GLYATL2: variants seen among roughly 807,000 people sequenced by gnomAD.
The protein encoded by GLYATL2 is glycine-N-acyltransferase like 2.
Under a neutral mutation model 21.4 loss-of-function variants are expected in GLYATL2, and 25 were observed. The ratio of observed to expected loss-of-function variants is 1.17; its 90% CI spans 0.85 to 1.63. The LOEUF is 1.63. GLYATL2 is among the 40% of genes most tolerant of loss of function. The pLI is 0.00. For missense variants in GLYATL2, 361 were observed against 343.3 expected (o/e 1.05, Z -0.41); for synonymous variants, 114 against 118.2 (o/e 0.96, Z 0.23).
intron 1 of GLYATL2, among the ~76,000 whole-genome samples, chr11:58,885,769 C>A (rs1167891144): frequency 6.6e-6 from 1 of 152,156 alleles, no homozygotes. Flanking sequence ...AGGAAAAGGA[C>A]AAGGCTGACA....
chr11:58,892,925 G>A (rs568028036), intron 1 of GLYATL2: 3 of 296,568 alleles, frequency 1.0e-5, no homozygotes, highest in South Asian at 2.8e-4. Flanking sequence ...AATAAAGAGA[G>A]GATGAATTCC....
intron 1 of GLYATL2, among the ~76,000 whole-genome samples, chr11:58,894,365 T>A (rs1854598232): frequency 6.6e-6 from 1 of 150,626 alleles, no homozygotes; most frequent in Admixed American, 6.7e-5. Flanking sequence ...CAATTCTGAA[T>A]CCCTGATCTT....
At chr11:58,852,221 G>A (rs1043385702) in intron 1 of GLYATL2, among the ~76,000 whole-genome samples, 4 of 152,040 alleles carry the variant, frequency 2.6e-5, no homozygotes, top group East Asian at 1.9e-4. Flanking sequence ...CCATGAGATC[G>A]TATGAGTCTC....
chr11:58,842,252 T>C (rs1413292878), intron 1 of GLYATL2, among the ~76,000 whole-genome samples: 1 of 152,168 alleles, frequency 6.6e-6, no homozygotes, highest in African/African-American at 2.4e-5. Flanking sequence ...CTTCTTTCAG[T>C]GAAAAGTCAG....
At chr11:58,838,212 G>T in intron 3 of GLYATL2, 49 bp downstream of exon 3, 1 of 1,201,834 alleles carries the variant, frequency 8.3e-7, no homozygotes, top group Non-Finnish European at 1.2e-6. Context: ...GCCATGCAGA[G>T]AACGTCTGGA....
chr11:58,862,733 T>C (rs1853953512), intron 1 of GLYATL2, among the ~76,000 whole-genome samples: 1 of 152,220 alleles, frequency 6.6e-6, no homozygotes, highest in East Asian at 1.9e-4. Flanking sequence ...CTGTGTTCTC[T>C]TGAAGCTCAC....
intron 1 of GLYATL2, among the ~76,000 whole-genome samples, chr11:58,896,812 G>GT (rs1854644175): frequency 6.6e-6 from 1 of 152,266 alleles, no homozygotes; most frequent in South Asian, 2.1e-4. Context: ...CATATTTACT[G>GT]TTTTTTCTAA....
chr11:58,899,590 T>A (rs1854698408), intron 1 of GLYATL2, among the ~76,000 whole-genome samples: 1 of 151,884 alleles, frequency 6.6e-6, no homozygotes, highest in Non-Finnish European at 1.5e-5. Flanking sequence ...AGGACGGGCC[T>A]CCACAAAAGA....
At chr11:58,883,791 A>G (rs1298189317) in intron 1 of GLYATL2, among the ~76,000 whole-genome samples, 1 of 152,182 alleles carries the variant, frequency 6.6e-6, no homozygotes, top group Non-Finnish European at 1.5e-5. Flanking sequence ...CCAATATACC[A>G]GATGAATATC....
At chr11:58,855,450 G>T (rs191797674) in intron 1 of GLYATL2, among the ~76,000 whole-genome samples, 2 of 152,172 alleles carry the variant, frequency 1.3e-5, no homozygotes, top group African/African-American at 4.8e-5. Flanking sequence ...AGTAAACCAC[G>T]CTGTAAATAG....
intron 2 of GLYATL2, 35 bp from the exon 3 acceptor site, chr11:58,838,403 A>G (rs1378542943): frequency 7.6e-7 from 1 of 1,320,754 alleles, no homozygotes; most frequent in East Asian, 2.3e-5. Context: ...GAGAGGATGA[A>G]GTTCTTCTCC....
intron 1 of GLYATL2, among the ~76,000 whole-genome samples, chr11:58,890,320 T>C (rs1306600817): frequency 6.6e-6 from 1 of 152,116 alleles, no homozygotes; most frequent in East Asian, 1.9e-4. Context: ...CATTACTAGG[T>C]AAATAGCCAA....
intron 1 of GLYATL2, chr11:58,893,023 C>T: frequency 2.9e-6 from 1 of 342,076 alleles, no homozygotes; most frequent in Non-Finnish European, 5.6e-6. Context: ...CCTGGGATCT[C>T]TTCTTTTTGT....
At chr11:58,841,069 C>A (rs1853542649) in intron 1 of GLYATL2, among the ~76,000 whole-genome samples, 1 of 151,896 alleles carries the variant, frequency 6.6e-6, no homozygotes. Context: ...TGTAATACCT[C>A]ATATGATACT....
At chr11:58,842,169 T>TTAA (rs1254664287) in intron 1 of GLYATL2, among the ~76,000 whole-genome samples, 1 of 152,342 alleles carries the variant, frequency 6.6e-6, no homozygotes, top group East Asian at 1.9e-4. Flanking sequence ...CTTCTTTATG[T>TTAA]TGATTAATTC....
chr11:58,868,794 G>T (rs944392062), intron 1 of GLYATL2, among the ~76,000 whole-genome samples: 7 of 149,122 alleles, frequency 4.7e-5, no homozygotes, highest in Non-Finnish European at 1.0e-4. Flanking sequence ...TGGAAGAACT[G>T]CTTTTGAAAT....
At chr11:58,839,908 C>T (rs1413713340) in intron 1 of GLYATL2, among the ~76,000 whole-genome samples, 1 of 152,080 alleles carries the variant, frequency 6.6e-6, no homozygotes, top group East Asian at 1.9e-4. Context: ...ATATATCTCC[C>T]ATGCTCATTT....
At chr11:58,889,193 A>G (rs748721410) in intron 1 of GLYATL2, among the ~76,000 whole-genome samples, 21 of 151,602 alleles carry the variant, frequency 1.4e-4, no homozygotes, top group Non-Finnish European at 2.5e-4. Context: ...TTATTTTGTT[A>G]TTGCTTTTTA....
At chr11:58,895,418 T>C (rs555492592) in intron 1 of GLYATL2, among the ~76,000 whole-genome samples, 2 of 152,324 alleles carry the variant, frequency 1.3e-5, no homozygotes, top group South Asian at 2.1e-4. Flanking sequence ...CTGAGTGGCT[T>C]ACACAACAGA....
Sources: allele counts gnomAD v4.1 joint callset (sites outside exome capture counted in the v4.1 genomes callset), GRCh38; gene constraint gnomAD v4.1.1; transcripts MANE v1.5; gene names NCBI Gene and HGNC (gene_info 2026-07-23, HGNC 2026-07-21).